Variants in AFAP1 observed in about 807,000 individuals in gnomAD.
The protein encoded by AFAP1 is actin filament associated protein 1.
A neutral mutation model predicts 93.9 loss-of-function variants in AFAP1; 75 were observed. The ratio of observed to expected loss-of-function variants is 0.80; its 90% confidence interval spans 0.66 to 0.97. The LOEUF (loss-of-function observed/expected upper bound fraction) is 0.97, where lower values mean the gene tolerates loss of function less well. Ranked by LOEUF, AFAP1 falls within the 50% of genes least tolerant of loss-of-function variation. AFAP1 has a pLI of 0.00. For missense variants in AFAP1, 1,201 were observed against 1,050.8 expected, an observed-to-expected ratio of 1.14 and a Z score of -1.98; for synonymous variants, 517 against 430.7, an observed-to-expected ratio of 1.20 and a Z score of -2.48.
At chr4:7,798,332 T>C (rs181865851) in intron 10 of AFAP1, among the ~76,000 whole-genome samples, 2,874 of 107,098 alleles carry the variant, frequency 0.027, 110 homozygotes, top group African/African-American at 0.076. Context: ...GCATTGCAAC[T>C]CTATTGGCTG....
intron 9 of AFAP1, among the ~76,000 whole-genome samples, chr4:7,802,128 C>G (rs1388942945): frequency 6.6e-6 from 1 of 152,148 alleles, no homozygotes; most frequent in Non-Finnish European, 1.5e-5. Flanking sequence ...TTACTAGGTA[C>G]ACACTTATAA....
chr4:7,870,080 G>A (rs574358923), intron 2 of AFAP1, among the ~76,000 whole-genome samples: 3 of 152,216 alleles, frequency 2.0e-5, no homozygotes, highest in Non-Finnish European at 2.9e-5. Context: ...ATTTTATACC[G>A]TCTCATTCAA....
chr4:7,819,407 T>C (rs4447866), intron 6 of AFAP1, among the ~76,000 whole-genome samples: 114,497 of 152,132 alleles, frequency 0.75, 43,885 homozygotes, highest in African/African-American at 0.87. Flanking sequence ...GCAACTACGT[T>C]TCCTGCTGGC....
At chr4:7,899,664 C>T (rs1719000814) in intron 1 of AFAP1, among the ~76,000 whole-genome samples, 2 of 152,138 alleles carry the variant, frequency 1.3e-5, no homozygotes, top group African/African-American at 4.8e-5. Flanking sequence ...TCTGAAAACC[C>T]TGTTAATTGT....
intron 9 of AFAP1, among the ~76,000 whole-genome samples, chr4:7,801,911 T>TCA (rs1442222409): frequency 4.8e-5 from 2 of 41,914 alleles, no homozygotes; most frequent in Admixed American, 4.6e-4. Flanking sequence ...TGAGACCCTA[T>TCA]CACAAAAAAA....
intron 1 of AFAP1, among the ~76,000 whole-genome samples, chr4:7,938,117 A>T (rs1237984255): frequency 1.3e-5 from 2 of 152,188 alleles, no homozygotes; most frequent in Non-Finnish European, 2.9e-5. Context: ...CCACCTCAAC[A>T]GAGTCCATAG....
chr4:7,892,404 C>G lies in AFAP1; in HGVS notation c.-2-20324G>C, dbSNP rs916714391. Among the ~76,000 whole-genome samples, 4 of 152,148 alleles carry G rather than the reference C, an allele frequency of 2.6e-5. 1 individual carries two copies. Among genetic ancestry groups the G allele is most frequent in the South Asian group, 4.1e-4 (2 of 4,826 alleles). ...TCTGCAGAGGAGCAGTGGGAGGTTC[C>G]AGACTGAGAGAGCAGTTCACAGACC... is the stretch of plus-strand genomic sequence containing the variant. On this transcript the variant is annotated intron_variant, in intron 1 of 17. Transcript: ENST00000420658.
chr4:7,798,590 AGTT>A (rs1718713595), intron 10 of AFAP1, among the ~76,000 whole-genome samples: 3 of 152,250 alleles, frequency 2.0e-5, no homozygotes, highest in Admixed American at 2.0e-4. Context: ...CTGTAAAAAT[AGTT>A]GTACACGAAG....
intron 14 of AFAP1, chr4:7,775,182 A>G (rs894707326): frequency 5.9e-6 from 2 of 339,108 alleles, no homozygotes; most frequent in East Asian, 1.1e-4. Flanking sequence ...GGGTAACTCA[A>G]AAAGCCTGTT....
intron 4 of AFAP1, among the ~76,000 whole-genome samples, chr4:7,845,937 G>A (rs28495790): frequency 0.4 from 60,817 of 151,988 alleles, 13,834 homozygotes; most frequent in Middle Eastern, 0.51. Context: ...TCATGGAGCC[G>A]GGCACGAGGG....
rs576725041 is a variant in AFAP1, at chr4:7,889,542, C to CAA, written c.-2-17464_-2-17463dup. 2.1e-3 allele frequency among the ~76,000 whole-genome samples: 126 copies of CAA among 60,566 alleles called. 2 individuals carry two copies. The highest frequency in any genetic ancestry group is 6.2e-3 in the East Asian group (18 of 2,906). 39.7% of individuals were successfully genotyped at this position (60,566 alleles called of 152,430 possible). On this transcript the variant is annotated intron_variant, in intron 1 of 17. Coordinates refer to ENST00000420658, the MANE Select transcript of AFAP1 (RefSeq NM_001134647.2). Reference sequence around the variant, plus strand: ...CACTCCAGCCTGGGCAACTCCATCCCAAAAAAAAAAAAAAAAGAAAAAAAA... The same window carrying CAA: ...CACTCCAGCCTGGGCAACTCCATCCCAAAAAAAAAAAAAAAAAAGAAAAAAAA...
chr4:7,809,335 T>C (rs1451245893), intron 9 of AFAP1: 4 of 219,434 alleles, frequency 1.8e-5, no homozygotes, highest in Non-Finnish European at 3.5e-5. Context: ...TTAAAAACAC[T>C]TCCAAGGGAT....
chr4:7,898,159 C>A (rs1045067752), intron 1 of AFAP1, among the ~76,000 whole-genome samples: 4 of 152,158 alleles, frequency 2.6e-5, no homozygotes, highest in African/African-American at 9.7e-5. Context: ...CCTGTAATCC[C>A]AGCACTTTGG....
At chr4:7,856,582 G>C (rs903192266) in intron 3 of AFAP1, among the ~76,000 whole-genome samples, 2 of 152,166 alleles carry the variant, frequency 1.3e-5, no homozygotes, top group Non-Finnish European at 2.9e-5. Flanking sequence ...AACTCTCTCT[G>C]GTTGTGAAGC....
rs927941276 is a variant in AFAP1 at position 7,800,712 on chromosome 4, C to T, written c.1055-59G>A. On this transcript the variant is annotated intron_variant, in intron 9 of 17. Coordinates refer to ENST00000420658, the MANE Select transcript of AFAP1 (RefSeq NM_001134647.2). ...CGGACAAGACCAGGCGAGGTGAAGA[C>T]GTCTAGGGTCACACTGAGGAGGCCC... is the stretch of plus-strand genomic sequence containing the variant. 4.2e-5 allele frequency: 66 copies of T among 1,564,364 alleles called. No homozygotes were observed. In the Middle Eastern group the frequency reaches 5.2e-4, roughly 12 times the overall value.
chr4:7,892,101 T>C (rs1448815843), intron 1 of AFAP1, among the ~76,000 whole-genome samples: 1 of 151,554 alleles, frequency 6.6e-6, no homozygotes, highest in Non-Finnish European at 1.5e-5. Flanking sequence ...ACTTTATGGG[T>C]GAAGTAAATG....
At chr4:7,926,280 CATA>C (rs532592642) in intron 1 of AFAP1, among the ~76,000 whole-genome samples, 244 of 152,308 alleles carry the variant, frequency 1.6e-3, no homozygotes, top group Admixed American at 3.0e-3. Context: ...TTACATGTGC[CATA>C]ATATCTAACT....
chr4:7,892,371 C>G (rs1718520278), intron 1 of AFAP1, among the ~76,000 whole-genome samples: 1 of 152,146 alleles, frequency 6.6e-6, no homozygotes, highest in Admixed American at 6.5e-5. Context: ...ACCACAGGGA[C>G]AGCAGGCTCT....
intron 8 of AFAP1, among the ~76,000 whole-genome samples, chr4:7,814,543 G>A (rs1720308710): frequency 6.6e-6 from 1 of 152,192 alleles, no homozygotes; most frequent in Admixed American, 6.5e-5. Flanking sequence ...AGGTGAATGG[G>A]CTGACTACGG....
Sources: gnomAD v4.1 joint callset for allele counts (sites outside exome capture counted in the v4.1 genomes callset) on GRCh38, gnomAD v4.1.1 for gene constraint, MANE v1.5 for transcripts, NCBI Gene and HGNC (gene_info 2026-07-23, HGNC 2026-07-21) for gene names.